Variants in PAX5 observed in about 807,000 individuals in gnomAD.
The protein encoded by PAX5 is paired box 5.
Under a neutral mutation model 43.7 loss-of-function variants are expected in PAX5, and 9 were observed. That is an observed-to-expected ratio of 0.21 (90% confidence interval 0.12 to 0.36). The LOEUF (loss-of-function observed/expected upper bound fraction) is 0.36, where lower values mean the gene tolerates loss of function less well. PAX5 is among the 10% of genes least tolerant of loss of function. PAX5 has a pLI of 1.00. For missense variants in PAX5, 383 were observed against 532.7 expected (o/e 0.72, Z 2.77); for synonymous variants, 228 against 214.3 (o/e 1.06, Z -0.56).
Position 36,840,518 on chromosome 9 carries a change from A to T in PAX5, c.*42T>A. The T allele has an allele frequency of 6.4e-7, 1 of 1,553,706 alleles. No individual in the cohort carries two copies. Among genetic ancestry groups the T allele is most frequent in the East Asian group, 2.4e-5 (1 of 42,532 alleles). ...GGAGGGCTGGGTGGCTGTCACCCTC[A>T]ATAGGTGCCATCAGTGTTTGGTGCC... On this transcript the variant is annotated 3_prime_UTR_variant, in exon 10 of 10. Coordinates refer to ENST00000358127, the MANE Select transcript of PAX5 (RefSeq NM_016734.3).
chr9:37,008,600 T>C (rs902746252), intron 3 of PAX5, among the ~76,000 whole-genome samples: 1 of 152,200 alleles, frequency 6.6e-6, no homozygotes, highest in African/African-American at 2.4e-5. Flanking sequence ...TGTCCTCAGC[T>C]GATAGCCTGA....
intron 6 of PAX5, among the ~76,000 whole-genome samples, chr9:36,935,197 C>A (rs962734548): frequency 6.6e-6 from 1 of 152,090 alleles, no homozygotes; most frequent in African/African-American, 2.4e-5. Context: ...GCTTGACCAA[C>A]ATGGAGAAAC....
At chr9:36,982,984 C>T (rs141956894) in intron 5 of PAX5, among the ~76,000 whole-genome samples, 64 of 152,262 alleles carry the variant, frequency 4.2e-4, no homozygotes, top group African/African-American at 1.4e-3. Flanking sequence ...GGAAGTATGG[C>T]ATTTAATGGA....
At chr9:37,010,697 T>G (rs1838846550) in intron 3 of PAX5, among the ~76,000 whole-genome samples, 2 of 152,036 alleles carry the variant, frequency 1.3e-5, no homozygotes, top group Admixed American at 1.3e-4. Context: ...AACAGGAAGA[T>G]AAGGCTGAAG....
chr9:36,994,008 G>T (rs905999023), intron 5 of PAX5, among the ~76,000 whole-genome samples: 2 of 152,172 alleles, frequency 1.3e-5, no homozygotes, highest in African/African-American at 2.4e-5. Context: ...AGCGGCGTTG[G>T]CTCTCACGGG....
At position 36,835,031 on chromosome 9, in the gene PAX5, C is replaced by T. The variant is rs1821546151; in HGVS notation, c.*5529G>A. The stretch of plus-strand genomic sequence containing the variant: ...TGGGTTTGTGCCTCTGTCTCTCCTG[C>T]CACAGGCCAAGTACCCTACCTGAGA... On this transcript the variant is annotated 3_prime_UTR_variant, in exon 10 of 10. Transcript: ENST00000358127. 2 of 233,372 alleles carry T rather than the reference C, an allele frequency of 8.6e-6. No homozygotes were observed. Among genetic ancestry groups the T allele is most frequent in the Non-Finnish European group, 1.7e-5 (2 of 118,078 alleles). 14.5% of individuals were successfully genotyped at this position (233,372 alleles called of 1,614,324 possible).
intron 7 of PAX5, among the ~76,000 whole-genome samples, chr9:36,908,217 C>CT (rs1412868265): frequency 1.1e-3 from 153 of 141,886 alleles, no homozygotes; most frequent in South Asian, 1.6e-3. Flanking sequence ...AAAAAGAAGA[C>CT]TTTTTTTTTT....
rs1826515736 is a variant in PAX5, at chr9:36,882,316, C to T, written c.911-211G>A. Among the ~76,000 whole-genome samples the T allele has an allele frequency of 6.6e-6, 1 of 151,924 alleles. No homozygotes were observed. The highest frequency in any genetic ancestry group is 2.4e-5 in the African/African-American group (1 of 41,324). On this transcript the variant is annotated intron_variant, in intron 7 of 9. Transcript: ENST00000358127. This position sits in a 1 kb window ranked among gnomAD's most constrained non-coding sequence, Gnocchi z 4.4. The stretch of plus-strand genomic sequence containing the variant: ...CACACTCATGCACACACATCTCCAG[C>T]CACCCTCGCTCCACTCAGCAAGAAC...
Position 37,034,088 on chromosome 9 carries a change from C to CTTTTTTTTTGTTTT in PAX5, c.-58_-57insAAAACAAAAAAAAA. Reference sequence around the variant, plus strand: ...GGGAAAAGTTTCCACTTTTTTGTGCCTTTTTTTTTCTTTTTTTTTTTTTTT... The same window carrying CTTTTTTTTTGTTTT: ...GGGAAAAGTTTCCACTTTTTTGTGCCTTTTTTTTTGTTTTTTTTTTTTTCTTTTTTTTTTTTTTT... On this transcript the variant is annotated 5_prime_UTR_variant, in exon 1 of 10. Coordinates refer to ENST00000358127, the MANE Select transcript of PAX5 (RefSeq NM_016734.3). 2.2e-6 allele frequency: 1 copy of CTTTTTTTTTGTTTT among 447,894 alleles called. No individual in the cohort carries two copies. The highest frequency in any genetic ancestry group is 3.6e-6 in the Non-Finnish European group (1 of 275,922). 27.7% of individuals were successfully genotyped at this position (447,894 alleles called of 1,614,324 possible). A position where few individuals can be genotyped will look rare whatever the true frequency, so the allele number is the denominator to read the frequency against.
chr9:36,864,794 G>T (rs541042057), intron 8 of PAX5, among the ~76,000 whole-genome samples: 62 of 152,234 alleles, frequency 4.1e-4, no homozygotes, highest in Non-Finnish European at 1.6e-4. Flanking sequence ...GGTGCCCCTC[G>T]GAGCCCCTCC....
intron 5 of PAX5, among the ~76,000 whole-genome samples, chr9:36,968,086 C>T (rs540795117): frequency 1.1e-4 from 16 of 152,318 alleles, no homozygotes; most frequent in East Asian, 7.7e-4. Flanking sequence ...ATATTGCTCA[C>T]GCAAGGCTGA....
chr9:36,878,308 G>A (rs893270934), intron 8 of PAX5, among the ~76,000 whole-genome samples: 1 of 152,244 alleles, frequency 6.6e-6, no homozygotes, highest in African/African-American at 2.4e-5. Context: ...ATACGTGTTA[G>A]GGGCCATGAA....
At chr9:36,962,862 C>T (rs983163993) in intron 6 of PAX5, among the ~76,000 whole-genome samples, 7 of 152,204 alleles carry the variant, frequency 4.6e-5, no homozygotes, top group Non-Finnish European at 7.3e-5. Flanking sequence ...CCAGCCTCCG[C>T]GGCCAGCACC....
chr9:36,927,650 G>A (rs1011370081), intron 6 of PAX5, among the ~76,000 whole-genome samples: 4 of 151,990 alleles, frequency 2.6e-5, no homozygotes, highest in Admixed American at 2.6e-4. Flanking sequence ...GGGGGACGGC[G>A]GGACACTTGG....
At chr9:36,906,479 G>A (rs1828832718) in intron 7 of PAX5, among the ~76,000 whole-genome samples, 1 of 152,172 alleles carries the variant, frequency 6.6e-6, no homozygotes, top group Non-Finnish European at 1.5e-5. Context: ...GCAAGGAAAC[G>A]AATTTTACCC....
At chr9:37,014,295 G>A (rs531932267) in intron 3 of PAX5, among the ~76,000 whole-genome samples, 23 of 152,342 alleles carry the variant, frequency 1.5e-4, no homozygotes, top group Admixed American at 1.1e-3. Context: ...ATGACTCCCA[G>A]GGTGTTTCTC....
chr9:36,891,087 C>T (rs757235810), intron 7 of PAX5, among the ~76,000 whole-genome samples: 6 of 151,998 alleles, frequency 3.9e-5, no homozygotes, highest in Middle Eastern at 3.2e-3. Flanking sequence ...TGCAGTGAGC[C>T]GAGATTGCGC....
rs578059146 is a variant in PAX5, at chr9:36,834,589, G to A, written c.*5971C>T. 1 of 233,178 alleles carries A rather than the reference G, an allele frequency of 4.3e-6. No homozygotes were observed. Among genetic ancestry groups the A allele is most frequent in the East Asian group, 6.0e-5 (1 of 16,592 alleles). 14.4% of individuals were successfully genotyped at this position (233,178 alleles called of 1,614,324 possible). On this transcript the variant is annotated 3_prime_UTR_variant, in exon 10 of 10. Transcript: ENST00000358127. ...CAATTAATTGGCTATTGATTGGTTG[G>A]AATGTTCAACTCTCCATTTCCTCAA...
chr9:36,907,362 G>A (rs1243811213), intron 7 of PAX5, among the ~76,000 whole-genome samples: 1 of 152,152 alleles, frequency 6.6e-6, no homozygotes, highest in Non-Finnish European at 1.5e-5. Context: ...CCTCCCCGTG[G>A]CTTCCCCTTG....
Sources: allele counts gnomAD v4.1 joint callset (sites outside exome capture counted in the v4.1 genomes callset), GRCh38; gene constraint gnomAD v4.1.1; non-coding constraint Gnocchi (gnomAD v3.1); transcripts MANE v1.5; gene names NCBI Gene and HGNC (gene_info 2026-07-23, HGNC 2026-07-21).